THSD4: variants seen among roughly 807,000 people sequenced by gnomAD.
THSD4 encodes the protein thrombospondin type-1 domain-containing protein 4.
Under a neutral mutation model 119.0 loss-of-function variants are expected in THSD4, and 69 were observed. The ratio of observed to expected loss-of-function variants is 0.58; its 90% CI spans 0.48 to 0.71. THSD4 has a LOEUF of 0.71. THSD4 is among the 30% of genes least tolerant of loss of function. The probability of loss-of-function intolerance (pLI) is 0.00; values close to 1 mark genes in which losing one functional copy is unlikely to be tolerated. For missense variants in THSD4, 1,393 were observed against 1,391.1 expected, an observed-to-expected ratio of 1.00 and a Z score of -0.02; for synonymous variants, 524 against 540.4, an observed-to-expected ratio of 0.97 and a Z score of 0.42.
chr15:71,475,035 G>A (rs976419445), intron 7 of THSD4, among the ~76,000 whole-genome samples: 1 of 152,216 alleles, frequency 6.6e-6, no homozygotes, highest in Non-Finnish European at 1.5e-5. Flanking sequence ...CCTGAGGGTA[G>A]AGTCCAGCAG....
At chr15:71,241,795 C>G (rs1417936800) in intron 4 of THSD4, among the ~76,000 whole-genome samples, 1 of 152,206 alleles carries the variant, frequency 6.6e-6, no homozygotes, top group Non-Finnish European at 1.5e-5. Context: ...AGATCTAAAC[C>G]AGGCTTGTCC....
At chr15:71,532,283 A>AGAGAGAGAGAGAGAGAGTGAGT (rs1379506089) in intron 7 of THSD4, among the ~76,000 whole-genome samples, 1 of 101,574 alleles carries the variant, frequency 9.8e-6, no homozygotes, top group East Asian at 3.2e-4. Flanking sequence ...AGAGAGAGAG[A>AGAGAGAGAGAGAGAGAGTGAGT]GTGTGTGTGT....
At chr15:71,671,651 A>G (rs1181466129) in intron 8 of THSD4, among the ~76,000 whole-genome samples, 2 of 152,130 alleles carry the variant, frequency 1.3e-5, no homozygotes, top group East Asian at 3.8e-4. Context: ...ATCTTGAATT[A>G]ATTTTTGTAT....
chr15:71,646,243 T>G (rs952442366), intron 7 of THSD4, among the ~76,000 whole-genome samples: 2 of 152,234 alleles, frequency 1.3e-5, no homozygotes, highest in Admixed American at 6.5e-5. Flanking sequence ...CTTTTCTTGG[T>G]GCTCAGGAGC....
At chr15:71,236,187 C>T (rs1462426827) in intron 4 of THSD4, among the ~76,000 whole-genome samples, 7 of 152,178 alleles carry the variant, frequency 4.6e-5, no homozygotes, top group Non-Finnish European at 8.8e-5. Context: ...GAAATAAACA[C>T]GGAGAGCCTA....
chr15:71,552,229 C>T (rs1204738672), intron 7 of THSD4, among the ~76,000 whole-genome samples: 3 of 152,024 alleles, frequency 2.0e-5, no homozygotes, highest in Admixed American at 6.5e-5. Flanking sequence ...TTTCTCTGGG[C>T]CTATGAAAGT....
At chr15:71,368,766 G>A (rs2046002773) in intron 6 of THSD4, among the ~76,000 whole-genome samples, 1 of 152,104 alleles carries the variant, frequency 6.6e-6, no homozygotes, top group East Asian at 1.9e-4. Context: ...TTGGCTATGT[G>A]CGCTCTTTTT....
intron 1 of THSD4, among the ~76,000 whole-genome samples, chr15:71,118,002 G>T (rs1206519639): frequency 6.6e-6 from 1 of 152,140 alleles, no homozygotes; most frequent in East Asian, 1.9e-4. Flanking sequence ...AAACATCAAG[G>T]AGATGCGAAT....
At chr15:71,289,526 G>A (rs1478531624) in intron 6 of THSD4, among the ~76,000 whole-genome samples, 1 of 152,128 alleles carries the variant, frequency 6.6e-6, no homozygotes, top group Non-Finnish European at 1.5e-5. Flanking sequence ...TAGATACCAG[G>A]GCCTCCCTTT....
intron 5 of THSD4, among the ~76,000 whole-genome samples, chr15:71,247,727 G>T (rs11854741): frequency 6.6e-6 from 1 of 152,302 alleles, no homozygotes; most frequent in Non-Finnish European, 1.5e-5. Flanking sequence ...TTTGTCTTCA[G>T]CAGTGAAGGG....
chr15:71,453,738 T>A (rs1025756078), intron 7 of THSD4, among the ~76,000 whole-genome samples: 2 of 152,198 alleles, frequency 1.3e-5, no homozygotes, highest in Admixed American at 1.3e-4. Context: ...AAAGATTTTC[T>A]GATGAGAATT....
intron 7 of THSD4, among the ~76,000 whole-genome samples, chr15:71,612,693 C>A (rs532425619): frequency 6.6e-6 from 1 of 152,284 alleles, no homozygotes; most frequent in East Asian, 1.9e-4. Context: ...CTGAATTTGA[C>A]AACTCAAAGG....
intron 4 of THSD4, among the ~76,000 whole-genome samples, chr15:71,218,744 G>A (rs752079650): frequency 4.6e-5 from 7 of 152,168 alleles, no homozygotes; most frequent in East Asian, 1.9e-4. Flanking sequence ...TTTCAGGATG[G>A]CTGTCCGCTC....
intron 7 of THSD4, among the ~76,000 whole-genome samples, chr15:71,435,846 A>C (rs560577272): frequency 1.7e-4 from 26 of 152,362 alleles, no homozygotes; most frequent in African/African-American, 5.8e-4. Context: ...CAGGCAACAA[A>C]GATGGAAGCA....
chr15:71,532,419 TC>T (rs970443824), intron 7 of THSD4, among the ~76,000 whole-genome samples: 1 of 151,766 alleles, frequency 6.6e-6, no homozygotes, highest in African/African-American at 2.4e-5. Flanking sequence ...CAAGTGATTC[TC>T]CTACCCCAGC....
At chr15:71,306,166 C>CGTG (rs1036793513) in intron 6 of THSD4, among the ~76,000 whole-genome samples, 2 of 151,752 alleles carry the variant, frequency 1.3e-5, no homozygotes, top group Non-Finnish European at 2.9e-5. Flanking sequence ...ATCAGCCGGG[C>CGTG]GTGGTGGTGG....
rs189899266 is a variant in THSD4 at position 71,337,942 on chromosome 15, G to C, written c.1016-73745G>C. The stretch of plus-strand genomic sequence containing the variant: ...CTCAGCCGCTTCCCTGTGTAAACTG[G>C]TGGAGCTGATAAGTTCCTGGAAGGA... On this transcript the variant is annotated intron_variant, in intron 6 of 17. Coordinates refer to ENST00000261862, the MANE Select transcript of THSD4 (RefSeq NM_024817.3). Among the ~76,000 whole-genome samples, 152 of 152,334 alleles carry C rather than the reference G, an allele frequency of 1.0e-3. 1 individual carries two copies. The highest frequency in any genetic ancestry group is 3.3e-3 in the African/African-American group (139 of 41,570).
chr15:71,438,637 C>T (rs2047047809), intron 7 of THSD4, among the ~76,000 whole-genome samples: 1 of 152,262 alleles, frequency 6.6e-6, no homozygotes, highest in Non-Finnish European at 1.5e-5. Context: ...CCACCTTGCC[C>T]CCACTATTTT....
chr15:71,246,823 G>C (rs2044205324), intron 5 of THSD4, among the ~76,000 whole-genome samples: 1 of 151,724 alleles, frequency 6.6e-6, no homozygotes, highest in Admixed American at 6.6e-5. Context: ...TCAAACATCT[G>C]CTGGTGCAAC....
Sources: gnomAD v4.1 joint callset for allele counts (sites outside exome capture counted in the v4.1 genomes callset) on GRCh38, gnomAD v4.1.1 for gene constraint, MANE v1.5 for transcripts, NCBI Gene and HGNC (gene_info 2026-07-23, HGNC 2026-07-21) for gene names.